The following MYO9B variants were observed in gnomAD, a reference collection of about 807,000 sequenced individuals.
MYO9B encodes myosin IXB.
Under a neutral mutation model 229.5 loss-of-function variants are expected in MYO9B, and 71 were observed. That is an observed-to-expected ratio of 0.31 (90% CI 0.26 to 0.38). The LOEUF is 0.38. Ranked by LOEUF, MYO9B falls within the 10% of genes least tolerant of loss-of-function variation. The pLI is 1.00. For missense variants in MYO9B, 2,255 were observed against 2,920.5 expected (o/e 0.77, Z 5.25); for synonymous variants, 1,185 against 1,235.8 (o/e 0.96, Z 0.86).
chr19:17,197,453 T>C (rs532027683), intron 22 of MYO9B, among the ~76,000 whole-genome samples: 2 of 151,928 alleles, frequency 1.3e-5, no homozygotes, highest in African/African-American at 4.8e-5. Flanking sequence ...GATAGATACA[T>C]AGATAGATAG....
At chr19:17,156,079 T>C (rs2072534158) in intron 6 of MYO9B, among the ~76,000 whole-genome samples, 1 of 149,018 alleles carries the variant, frequency 6.7e-6, no homozygotes, top group Non-Finnish European at 1.5e-5. Context: ...CTGGACAACA[T>C]AGCCAGTGAC....
chr19:17,171,580 A>C (rs141634998), intron 11 of MYO9B, among the ~76,000 whole-genome samples: 2 of 152,272 alleles, frequency 1.3e-5, no homozygotes, highest in African/African-American at 4.8e-5. Context: ...ACCTCTCTCC[A>C]AGCCCCCTAG....
At chr19:17,161,290 G>A (rs927881457) in intron 8 of MYO9B, among the ~76,000 whole-genome samples, 4 of 152,004 alleles carry the variant, frequency 2.6e-5, no homozygotes, top group African/African-American at 7.2e-5. Flanking sequence ...TTCAGCGGCC[G>A]TTCCAGAGGC....
intron 1 of MYO9B, among the ~76,000 whole-genome samples, chr19:17,082,757 C>T (rs1486573966): frequency 6.6e-6 from 1 of 152,042 alleles, no homozygotes; most frequent in Non-Finnish European, 1.5e-5. Flanking sequence ...CTTATTTGGC[C>T]CATAGGTGCC....
intron 2 of MYO9B, among the ~76,000 whole-genome samples, chr19:17,130,481 G>A (rs12052052): frequency 0.18 from 27,108 of 152,004 alleles, 2,682 homozygotes; most frequent in East Asian, 0.29. Flanking sequence ...TTAGCCGGGC[G>A]TGGTGGTGGG....
In MYO9B at chr19:17,193,948, AG is replaced by A. The variant is rs2073012857; in HGVS notation, c.3129-607del. Among the ~76,000 whole-genome samples the A allele has an allele frequency of 6.6e-6, 1 of 152,164 alleles. No individual in the cohort carries two copies. The highest frequency in any genetic ancestry group is 1.5e-5 in the Non-Finnish European group (1 of 68,030). On this transcript the variant is annotated intron_variant, in intron 21 of 39. Transcript: ENST00000682292. This position sits in a 1 kb window ranked among gnomAD's most constrained non-coding sequence, Gnocchi z 4.3. Reference sequence around the variant, plus strand: ...AGCACTTTGGGAGGCCAAGGCAGGCAGATCACATGAGGCCAGGAGTTGGAGA... The same window carrying A: ...AGCACTTTGGGAGGCCAAGGCAGGCAATCACATGAGGCCAGGAGTTGGAGA...
intron 1 of MYO9B, among the ~76,000 whole-genome samples, chr19:17,099,582 G>A (rs749359146): frequency 2.6e-5 from 4 of 151,838 alleles, no homozygotes; most frequent in East Asian, 3.9e-4. Context: ...TTGGAAGCCC[G>A]AAGCGGGTGG....
At chr19:17,121,463 A>ATATATATATCTCTC (rs1030275525) in intron 2 of MYO9B, among the ~76,000 whole-genome samples, 1 of 149,904 alleles carries the variant, frequency 6.7e-6, no homozygotes, top group African/African-American at 2.5e-5. Context: ...ATATATATAT[A>ATATATATATCTCTC]TCCAAGAGCT....
chr19:17,176,207 A>G, intron 14 of MYO9B, among the ~76,000 whole-genome samples: 1 of 149,890 alleles, frequency 6.7e-6, no homozygotes, highest in Non-Finnish European at 1.5e-5. Flanking sequence ...TTTCTTTTGT[A>G]TTTTTTTTTA....
At chr19:17,202,964 C>A in intron 29 of MYO9B, 81 bp downstream of exon 29, 1 of 1,510,626 alleles carries the variant, frequency 6.6e-7, no homozygotes, top group Non-Finnish European at 9.0e-7. Context: ...TGTCAATGTG[C>A]GCATGGGCCC....
intron 1 of MYO9B, among the ~76,000 whole-genome samples, chr19:17,080,178 G>A (rs1456075579): frequency 6.6e-6 from 1 of 152,208 alleles, no homozygotes; most frequent in East Asian, 1.9e-4. Context: ...TCTCTGCCCT[G>A]CTGCACAGGG....
Position 17,195,613 on chromosome 19 carries a change from C to G in MYO9B, c.4046+140C>G, listed in dbSNP as rs2073034650. 4 of 1,141,370 alleles carry G rather than the reference C, an allele frequency of 3.5e-6. No individual in the cohort carries two copies. Among genetic ancestry groups the G allele is most frequent in the African/African-American group, 1.5e-5 (1 of 64,618 alleles). 70.7% of individuals were successfully genotyped at this position (1,141,370 alleles called of 1,614,324 possible). ...GGGAGGCCTGAGGGAGGAGGACGAG[C>G]AGGACATGCTAAAGACCAAGTGAAG... On this transcript the variant is annotated intron_variant, in intron 22 of 39. Coordinates refer to ENST00000682292, the MANE Select transcript of MYO9B (RefSeq NM_004145.4). The surrounding 1 kb of genome is among the most constrained non-coding windows in gnomAD (Gnocchi z 4.5).
At chr19:17,179,708 T>G (rs1482101285) in intron 14 of MYO9B, among the ~76,000 whole-genome samples, 1 of 151,532 alleles carries the variant, frequency 6.6e-6, no homozygotes, top group African/African-American at 2.4e-5. Flanking sequence ...ATTACAGGCA[T>G]GAGCCACCGC....
At chr19:17,080,491 A>G (rs775760987) in intron 1 of MYO9B, among the ~76,000 whole-genome samples, 65 of 152,214 alleles carry the variant, frequency 4.3e-4, no homozygotes, top group Non-Finnish European at 8.1e-4. Flanking sequence ...CTCTGTGTCC[A>G]AATTTCCTCT....
At chr19:17,205,848 A>G (rs1187614502) in intron 31 of MYO9B, 112 bp from the exon 32 acceptor site, 1 of 1,056,364 alleles carries the variant, frequency 9.5e-7, no homozygotes, top group Non-Finnish European at 1.3e-6. Context: ...GGGACAGAAC[A>G]GCAGAGGAAG....
At chr19:17,116,210 C>T (rs536260275) in intron 2 of MYO9B, among the ~76,000 whole-genome samples, 76 of 152,314 alleles carry the variant, frequency 5.0e-4, no homozygotes, top group African/African-American at 1.8e-3. Context: ...GCCTGCAGGG[C>T]GCACAGTCTG....
At chr19:17,102,652 A>G (rs747897591) in intron 2 of MYO9B, 95 bp downstream of exon 2, 25 of 1,430,110 alleles carry the variant, frequency 1.7e-5, no homozygotes, top group Admixed American at 2.6e-5. Flanking sequence ...TATAATCCCA[A>G]TGCTTTGGAA....
rs1053416406 is a variant in MYO9B at position 17,091,597 on chromosome 19, G to A, written c.-58-10063G>A. 3.0e-4 allele frequency among the ~76,000 whole-genome samples: 45 copies of A among 152,162 alleles called. 1 individual carries two copies. On this transcript the variant is annotated intron_variant, in intron 1 of 39. Transcript: ENST00000682292. ...TAGTGTTCAGGCCCAGGTATAGGGG[G>A]TCAGCCCAGAGCTGTGGGTGAAAGG...
intron 2 of MYO9B, among the ~76,000 whole-genome samples, chr19:17,141,921 C>T (rs73504411): frequency 0.012 from 1,879 of 152,266 alleles, 47 homozygotes; most frequent in African/African-American, 0.041. Context: ...CCGTGCCTGT[C>T]ATCACAGCCC....
Sources: gnomAD v4.1 joint callset for allele counts (sites outside exome capture counted in the v4.1 genomes callset) on GRCh38, gnomAD v4.1.1 for gene constraint, Gnocchi (gnomAD v3.1) non-coding constraint, MANE v1.5 for transcripts, NCBI Gene and HGNC (gene_info 2026-07-23, HGNC 2026-07-21) for gene names.